Variants in MARCO observed in about 807,000 individuals in gnomAD.
MARCO encodes the protein macrophage receptor MARCO.
In MARCO, 72 loss-of-function variants were observed where a neutral mutation model predicts 70.0. The observed-to-expected ratio is 1.03, with a 90% CI of 0.85 to 1.25. The LOEUF (loss-of-function observed/expected upper bound fraction) is 1.25. Among genes scored for constraint, MARCO ranks in the 50% most tolerant of loss-of-function variants. The pLI, the probability that MARCO is intolerant of heterozygous loss-of-function variation, is 0.00. For synonymous variants in MARCO, 273 were observed against 243.1 expected (o/e 1.12, Z -1.14); for missense variants, 696 against 659.3 (o/e 1.06, Z -0.61).
chr2:118,979,338 G>A (rs1022949844), intron 8 of MARCO, among the ~76,000 whole-genome samples: 9 of 152,296 alleles, frequency 5.9e-5, no homozygotes, highest in Non-Finnish European at 7.3e-5. Context: ...GATGAAGTGC[G>A]TGGGCATGGG....
intron 1 of MARCO, among the ~76,000 whole-genome samples, chr2:118,960,253 C>A (rs1403025284): frequency 6.6e-6 from 1 of 151,836 alleles, no homozygotes; most frequent in African/African-American, 2.4e-5. Context: ...CCTTTTATTT[C>A]TTTTTCTTGC....
chr2:118,961,435 T>C (rs2104565252), intron 1 of MARCO, among the ~76,000 whole-genome samples: 1 of 152,320 alleles, frequency 6.6e-6, no homozygotes, highest in South Asian at 2.1e-4. Flanking sequence ...TGGTATCTCA[T>C]TGTGGTTTTG....
chr2:118,991,459 T>C (rs1334616529), intron 13 of MARCO, among the ~76,000 whole-genome samples: 1 of 152,136 alleles, frequency 6.6e-6, no homozygotes, highest in African/African-American at 2.4e-5. Context: ...AAAGGAGACA[T>C]CGAGGCTTAG....
intron 8 of MARCO, among the ~76,000 whole-genome samples, chr2:118,979,251 A>G (rs889014882): frequency 2.0e-5 from 3 of 152,188 alleles, no homozygotes; most frequent in African/African-American, 4.8e-5. Flanking sequence ...ACAAGGACCA[A>G]TGGACTAAGG....
At chr2:118,969,027 T>C (rs1039135153) in intron 1 of MARCO, 133 bp from the exon 2 acceptor site, 7 of 674,688 alleles carry the variant, frequency 1.0e-5, no homozygotes, top group Non-Finnish European at 1.9e-5. Context: ...TTGGGAGTCA[T>C]GAGCTTTTGG....
chr2:118,990,955 G>A (rs1326339761), intron 13 of MARCO, among the ~76,000 whole-genome samples: 1 of 152,182 alleles, frequency 6.6e-6, no homozygotes, highest in African/African-American at 2.4e-5. Flanking sequence ...CCATGGAGCT[G>A]TGCCCCTTCT....
chr2:118,962,021 A>G (rs1450778875), intron 1 of MARCO, among the ~76,000 whole-genome samples: 1 of 152,044 alleles, frequency 6.6e-6, no homozygotes, highest in Non-Finnish European at 1.5e-5. Context: ...TGAAGATCAG[A>G]TGCTCGTAGA....
At position 118,993,136 on chromosome 2, in the gene MARCO, T is replaced by C; in HGVS notation, c.1265T>C (p.Val422Ala). 5.6e-6 allele frequency: 9 copies of C among 1,614,222 alleles called. No individual in the cohort carries two copies. The highest frequency in any genetic ancestry group is 7.6e-6 in the Non-Finnish European group (9 of 1,180,032). ...GEKGERGENSVSVRIVGSSNR... is the reference protein window; with the variant it reads ...GEKGERGENSASVRIVGSSNR... ...TTTCTTCACCCAGGTGAAAACTCAG[T>C]GTCCGTCAGGATTGTCGGCAGTAGT... Residue 422 changes from valine to alanine, a missense_variant, in exon 16 of 17, where the codon GTG becomes GCG. Around this residue, in one of 3 missense-constraint regions of MARCO, gnomAD observed 605 missense variants for 537.6 expected, o/e 1.13. Transcript: ENST00000327097.
rs373823286 is a variant in MARCO, at chr2:118,951,503, A to C, written c.97+9106A>C. On this transcript the variant is annotated intron_variant, in intron 1 of 16. Coordinates refer to ENST00000327097, the MANE Select transcript of MARCO (RefSeq NM_006770.4). ...TGCTCACAATGAGGTTTCCTCTAAAAGTTATTTTTCTACTTTGCTCTCTTA... is the reference window on the plus strand; with the variant it reads ...TGCTCACAATGAGGTTTCCTCTAAACGTTATTTTTCTACTTTGCTCTCTTA... Among the ~76,000 whole-genome samples, 7 of 152,200 alleles carry C rather than the reference A, an allele frequency of 4.6e-5. No homozygotes were observed. In the East Asian group the frequency reaches 1.3e-3, roughly 29 times the overall value.
At chr2:118,946,315 C>T (rs946861743) in intron 1 of MARCO, among the ~76,000 whole-genome samples, 1 of 152,136 alleles carries the variant, frequency 6.6e-6, no homozygotes, top group African/African-American at 2.4e-5. Flanking sequence ...AATAACCCCA[C>T]ATACCCCTCA....
chr2:118,942,669 C>G (rs1679526666), intron 1 of MARCO, among the ~76,000 whole-genome samples: 1 of 152,014 alleles, frequency 6.6e-6, no homozygotes, highest in Non-Finnish European at 1.5e-5. Context: ...AATGCCAATG[C>G]TTATTAAATG....
intron 15 of MARCO, 143 bp downstream of exon 15, chr2:118,992,619 AGCCTGCCCACG>A: frequency 1.5e-6 from 1 of 679,204 alleles, no homozygotes; most frequent in Non-Finnish European, 2.6e-6. Flanking sequence ...CCCTTGAATG[AGCCTGCCCACG>A]GCACAGAGCA....
intron 13 of MARCO, among the ~76,000 whole-genome samples, 160 bp downstream of exon 13, chr2:118,990,793 G>A (rs550456472): frequency 7.9e-5 from 12 of 152,228 alleles, no homozygotes; most frequent in Admixed American, 5.2e-4. Context: ...AGATTTCTCC[G>A]CTGCAAAACC....
chr2:118,984,731 G>C (rs1023261418), intron 12 of MARCO, among the ~76,000 whole-genome samples: 1 of 152,186 alleles, frequency 6.6e-6, no homozygotes, highest in Admixed American at 6.5e-5. Context: ...CTTCTGAAGT[G>C]GGAGAAGCAG....
intron 6 of MARCO, 100 bp from the exon 7 acceptor site, chr2:118,977,371 G>A: frequency 3.2e-6 from 3 of 952,310 alleles, no homozygotes; most frequent in Non-Finnish European, 5.1e-6. Context: ...CTCCTTCTGG[G>A]AACCTTGCTC....
At chr2:118,984,522 G>A (rs1680450121) in intron 12 of MARCO, among the ~76,000 whole-genome samples, 6 of 152,200 alleles carry the variant, frequency 3.9e-5, no homozygotes, top group Admixed American at 3.3e-4. Context: ...TTTGGGGCTT[G>A]TGATAATTCC....
intron 12 of MARCO, among the ~76,000 whole-genome samples, chr2:118,985,484 A>T (rs1484594571): frequency 1.3e-5 from 2 of 152,116 alleles, no homozygotes; most frequent in East Asian, 3.9e-4. Context: ...ACAAAGAGGA[A>T]ATTCTTCCCA....
chr2:118,953,424 A>G (rs1679765987), intron 1 of MARCO, among the ~76,000 whole-genome samples: 1 of 152,234 alleles, frequency 6.6e-6, no homozygotes. Context: ...CAGTTCTATT[A>G]TGCTTTTAAT....
intron 1 of MARCO, chr2:118,949,365 G>A (rs1457657069): frequency 6.6e-6 from 1 of 152,184 alleles, no homozygotes; most frequent in African/African-American, 2.4e-5. Flanking sequence ...TTTATACCCT[G>A]TTTCAATGGC....
Sources: allele counts gnomAD v4.1 joint callset (sites outside exome capture counted in the v4.1 genomes callset), GRCh38; gene constraint gnomAD v4.1.1; regional missense constraint gnomAD v4.1.1; transcripts MANE v1.5; gene names NCBI Gene and HGNC (gene_info 2026-07-23, HGNC 2026-07-21).